CNTNAP2: variants seen among roughly 807,000 people sequenced by gnomAD.
The protein encoded by CNTNAP2 is contactin associated protein 2, also known as contactin-associated protein-like 2.
Under a neutral mutation model 155.2 loss-of-function variants are expected in CNTNAP2, and 98 were observed. The ratio of observed to expected loss-of-function variants is 0.63; its 90% CI spans 0.54 to 0.75. CNTNAP2 has a LOEUF of 0.75. Among genes scored for constraint, CNTNAP2 ranks in the 30% least tolerant of loss-of-function variants. The pLI is 0.00. For missense variants in CNTNAP2, 1,727 were observed against 1,688.1 expected (o/e 1.02, Z -0.40); for synonymous variants, 651 against 631.2 (o/e 1.03, Z -0.47).
intron 2 of CNTNAP2, among the ~76,000 whole-genome samples, chr7:146,839,352 T>C (rs1166301458): frequency 6.6e-6 from 1 of 152,114 alleles, no homozygotes; most frequent in South Asian, 2.1e-4. Flanking sequence ...ACAGAAAAAA[T>C]TGGATAGTTA....
At chr7:146,666,309 T>C (rs1241031116) in intron 1 of CNTNAP2, among the ~76,000 whole-genome samples, 2 of 152,200 alleles carry the variant, frequency 1.3e-5, no homozygotes, top group Non-Finnish European at 2.9e-5. Flanking sequence ...CTATATACGT[T>C]GCCACAAATG....
intron 21 of CNTNAP2, among the ~76,000 whole-genome samples, chr7:148,319,322 C>G (rs1198835427): frequency 6.6e-6 from 1 of 151,972 alleles, no homozygotes; most frequent in African/African-American, 2.4e-5. Flanking sequence ...ATATTGTGAT[C>G]CTATATCTTT....
intron 1 of CNTNAP2, among the ~76,000 whole-genome samples, chr7:146,575,233 C>T (rs1401954081): frequency 6.6e-6 from 1 of 152,134 alleles, no homozygotes; most frequent in Non-Finnish European, 1.5e-5. Context: ...TCTCCTGCCT[C>T]AGCCTCCTGA....
chr7:146,832,003 TATAACAGATGTTGATTAATGGA>T (rs1364545980), intron 2 of CNTNAP2, among the ~76,000 whole-genome samples: 4 of 152,198 alleles, frequency 2.6e-5, no homozygotes, highest in African/African-American at 9.6e-5. Context: ...TACTCTAGTT[TATAACAGATGTTGATTAATGGA>T]TATAGCCCTC....
intron 3 of CNTNAP2, among the ~76,000 whole-genome samples, chr7:147,027,756 C>T (rs1267880865): frequency 6.6e-6 from 1 of 152,058 alleles, no homozygotes; most frequent in Non-Finnish European, 1.5e-5. Flanking sequence ...CGTGAAAAGC[C>T]GTTACTGGAG....
intron 3 of CNTNAP2, among the ~76,000 whole-genome samples, chr7:146,914,539 C>G (rs1796355532): frequency 6.6e-6 from 1 of 151,992 alleles, no homozygotes; most frequent in South Asian, 2.1e-4. Context: ...TTACATTTCC[C>G]TGGTCATTAG....
intron 21 of CNTNAP2, among the ~76,000 whole-genome samples, chr7:148,347,074 T>C (rs1391114212): frequency 1.3e-5 from 2 of 151,840 alleles, no homozygotes; most frequent in African/African-American, 4.8e-5. Context: ...CTGGCCAACA[T>C]GGTGAAACCC....
chr7:148,379,697 G>C (rs1799009695), intron 21 of CNTNAP2, among the ~76,000 whole-genome samples: 1 of 152,184 alleles, frequency 6.6e-6, no homozygotes, highest in South Asian at 2.1e-4. Context: ...GGATGACAGA[G>C]TAAGACCCTG....
At chr7:146,192,025 C>T (rs1475732708) in intron 1 of CNTNAP2, among the ~76,000 whole-genome samples, 1 of 152,056 alleles carries the variant, frequency 6.6e-6, no homozygotes, top group Non-Finnish European at 1.5e-5. Flanking sequence ...TGATAAATGT[C>T]CATGAAATCT....
chr7:147,924,861 T>C (rs993027437), intron 14 of CNTNAP2, among the ~76,000 whole-genome samples: 7 of 152,102 alleles, frequency 4.6e-5, no homozygotes, highest in Middle Eastern at 3.4e-3. Flanking sequence ...CGCACACCTG[T>C]AATCCCAGCA....
intron 1 of CNTNAP2, among the ~76,000 whole-genome samples, chr7:146,420,766 A>G (rs1419502953): frequency 6.6e-6 from 1 of 152,076 alleles, no homozygotes; most frequent in African/African-American, 2.4e-5. Flanking sequence ...CAATAATTCC[A>G]TTGAGTTATA....
chr7:147,248,453 T>A (rs570123962), intron 8 of CNTNAP2, among the ~76,000 whole-genome samples: 2 of 152,318 alleles, frequency 1.3e-5, no homozygotes, highest in South Asian at 4.1e-4. Flanking sequence ...CATGGAGACA[T>A]TCAAAGACAG....
chr7:147,869,876 T>C (rs906093031), intron 13 of CNTNAP2, among the ~76,000 whole-genome samples: 4 of 152,202 alleles, frequency 2.6e-5, no homozygotes, highest in Non-Finnish European at 4.4e-5. Flanking sequence ...AGTTTATCCA[T>C]TTAAATTGAT....
intron 9 of CNTNAP2, among the ~76,000 whole-genome samples, chr7:147,318,311 G>T (rs533067667): frequency 6.6e-6 from 1 of 151,992 alleles, no homozygotes. Flanking sequence ...GCATGGGTAC[G>T]CGCACCTGAA....
chr7:147,154,311 G>A (rs1801881583), intron 8 of CNTNAP2, among the ~76,000 whole-genome samples: 1 of 152,114 alleles, frequency 6.6e-6, no homozygotes, highest in Non-Finnish European at 1.5e-5. Context: ...GAAATGAGTA[G>A]CAGGATGGGA....
chr7:148,142,057 A>T lies in CNTNAP2; in HGVS notation c.2555-5434A>T, dbSNP rs1805083975. 2.0e-5 allele frequency among the ~76,000 whole-genome samples: 3 copies of T among 151,556 alleles called. No individual in the cohort carries two copies. In the South Asian group the frequency reaches 6.3e-4, roughly 32 times the overall value. ...TAGATAAGGTCAAAAGAAAGGTTTTATAGTGCCAGTGGTTGTTAAGAGTAG... is the reference window on the plus strand; with the variant it reads ...TAGATAAGGTCAAAAGAAAGGTTTTTTAGTGCCAGTGGTTGTTAAGAGTAG... On this transcript the variant is annotated intron_variant, in intron 16 of 23. Coordinates refer to ENST00000361727, the MANE Select transcript of CNTNAP2 (RefSeq NM_014141.6).
At chr7:147,269,093 T>C (rs1804681639) in intron 8 of CNTNAP2, among the ~76,000 whole-genome samples, 1 of 152,128 alleles carries the variant, frequency 6.6e-6, no homozygotes, top group African/African-American at 2.4e-5. Context: ...TTCCCTTCCT[T>C]AGACGAGAAC....
chr7:146,989,204 A>G (rs764346841), intron 3 of CNTNAP2, among the ~76,000 whole-genome samples: 2 of 152,028 alleles, frequency 1.3e-5, no homozygotes, highest in Non-Finnish European at 2.9e-5. Flanking sequence ...TGTGGAAAGG[A>G]AGGGAAGGAA....
At position 147,087,373 on chromosome 7, in the gene CNTNAP2, G is replaced by A. The variant is rs10256327; in HGVS notation, c.551-20774G>A. ...GAGACACATGAATTTTCTTTGTTCT[G>A]TTTTTTTTAACCAGTGGTCATCCCT... On this transcript the variant is annotated intron_variant, in intron 4 of 23. Coordinates refer to ENST00000361727, the MANE Select transcript of CNTNAP2 (RefSeq NM_014141.6). 5.4e-3 allele frequency among the ~76,000 whole-genome samples: 820 copies of A among 151,874 alleles called. 9 individuals are homozygous for A. Among genetic ancestry groups the A allele is most frequent in the African/African-American group, 0.019 (772 of 41,432 alleles).
Sources: allele counts gnomAD v4.1 joint callset (sites outside exome capture counted in the v4.1 genomes callset), GRCh38; gene constraint gnomAD v4.1.1; transcripts MANE v1.5; gene names NCBI Gene and HGNC (gene_info 2026-07-23, HGNC 2026-07-21).